Variants in NIPA1 observed in about 807,000 individuals in gnomAD.
NIPA1 encodes the protein NIPA magnesium transporter 1.
In NIPA1, 13 loss-of-function variants were observed where a neutral mutation model predicts 23.9. The observed-to-expected ratio is 0.54, with a 90% CI of 0.35 to 0.87. The LOEUF (loss-of-function observed/expected upper bound fraction) is 0.87, where lower values mean the gene tolerates loss of function less well. NIPA1 is among the 40% of genes least tolerant of loss of function. NIPA1 has a pLI of 0.01. For missense variants in NIPA1, 362 were observed against 429.7 expected (o/e 0.84, Z 1.39); for synonymous variants, 234 against 202.9 (o/e 1.15, Z -1.30).
chr15:22,810,940 C>T (rs1895303869), intron 2 of NIPA1, 144 bp downstream of exon 2: 1 of 736,258 alleles, frequency 1.4e-6, no homozygotes, highest in Non-Finnish European at 2.5e-6. Context: ...CCTAAGCGTG[C>T]CTTTCAGTTC....
At position 22,806,330 on chromosome 15, in the gene NIPA1, T is replaced by C. The variant is rs117031821; in HGVS notation, c.179-4419T>C. 9.5e-3 allele frequency among the ~76,000 whole-genome samples: 1,448 copies of C among 152,340 alleles called. 16 individuals carry two copies. The highest frequency in any genetic ancestry group is 0.016 in the Non-Finnish European group (1,109 of 68,028). Reference sequence around the variant, plus strand: ...TCACTGTCAGTTGATACTGTCATCCTGGCAAGGCTCTTTTGTGTTTGCACA... The same window carrying C: ...TCACTGTCAGTTGATACTGTCATCCCGGCAAGGCTCTTTTGTGTTTGCACA... On this transcript the variant is annotated intron_variant, in intron 1 of 4. Coordinates refer to ENST00000337435, the MANE Select transcript of NIPA1 (RefSeq NM_144599.5).
At position 22,786,725 on chromosome 15, in the gene NIPA1, G is replaced by T; in HGVS notation, c.69G>T (p.Pro23=). The T allele has an allele frequency of 8.1e-7, 1 of 1,232,932 alleles. No homozygotes were observed. Among genetic ancestry groups the T allele is most frequent in the Non-Finnish European group, 1.0e-6 (1 of 968,608 alleles). The allele number at this position is 1,232,932 out of a possible 1,614,324, so 76.4% of individuals were successfully genotyped here. The change falls in exon 1 of 5, where the codon CCG becomes CCT. Residue 23 remains proline, a synonymous_variant. Coordinates refer to ENST00000337435, the MANE Select transcript of NIPA1 (RefSeq NM_144599.5). ...AAAAGEGARS[P]SPAAVSLGLG... is the part of the protein sequence containing the mutation. ...CGGCCGGGGAGGGGGCGCGTAGCCCGAGCCCCGCCGCCGTGTCGCTCGGCC... is the reference window on the plus strand; with the variant it reads ...CGGCCGGGGAGGGGGCGCGTAGCCCTAGCCCCGCCGCCGTGTCGCTCGGCC...
chr15:22,793,403 G>GTATAGTCAT (rs1444541681), intron 1 of NIPA1, among the ~76,000 whole-genome samples: 1 of 147,980 alleles, frequency 6.8e-6, no homozygotes, highest in Non-Finnish European at 1.5e-5. Flanking sequence ...TTGTTGCTAA[G>GTATAGTCAT]TATAGTCATT....
intron 3 of NIPA1, among the ~76,000 whole-genome samples, chr15:22,817,885 G>A (rs1476685267): frequency 6.6e-6 from 1 of 151,956 alleles, no homozygotes; most frequent in Non-Finnish European, 1.5e-5. Context: ...AATTTCATAT[G>A]CAGTAGCACC....
At chr15:22,814,006 A>G in intron 3 of NIPA1, 7 of 691,172 alleles carry the variant, frequency 1.0e-5, no homozygotes, top group Non-Finnish European at 1.6e-5. Context: ...TGCTCAGTTA[A>G]TTTCCTTAGA....
chr15:22,805,241 T>C (rs1415747617), intron 1 of NIPA1, among the ~76,000 whole-genome samples: 1 of 152,238 alleles, frequency 6.6e-6, no homozygotes, highest in Non-Finnish European at 1.5e-5. Flanking sequence ...GCATATCTAA[T>C]AACCAACAGG....
chr15:22,814,440 T>G (rs568569786), intron 3 of NIPA1, among the ~76,000 whole-genome samples: 85 of 152,166 alleles, frequency 5.6e-4, no homozygotes, highest in African/African-American at 2.0e-3. Context: ...CCTGACCTCG[T>G]GATCCGCCCG....
intron 4 of NIPA1, among the ~76,000 whole-genome samples, chr15:22,821,026 G>A (rs1443831138): frequency 6.8e-6 from 1 of 147,014 alleles, no homozygotes; most frequent in Non-Finnish European, 1.5e-5. Flanking sequence ...CACCCAGGCT[G>A]GAGTGCAGTG....
At chr15:22,814,959 G>T (rs1895387873) in intron 3 of NIPA1, among the ~76,000 whole-genome samples, 1 of 152,136 alleles carries the variant, frequency 6.6e-6, no homozygotes, top group Non-Finnish European at 1.5e-5. Context: ...GTGTTTAGCA[G>T]CATCCTGGCC....
At chr15:22,811,765 C>A (rs553622934) in intron 2 of NIPA1, among the ~76,000 whole-genome samples, 245 of 152,200 alleles carry the variant, frequency 1.6e-3, no homozygotes, top group Non-Finnish European at 3.0e-3. Flanking sequence ...TATCCTCTTG[C>A]TATGCCAGTG....
chr15:22,810,719 T>C (rs750223274), intron 1 of NIPA1, 30 bp from the exon 2 acceptor site: 47 of 1,495,398 alleles, frequency 3.1e-5, no homozygotes, highest in Non-Finnish European at 4.3e-5. Flanking sequence ...AAACCCACTT[T>C]TCTGACATTT....
chr15:22,820,593 C>G lies in NIPA1; in HGVS notation c.478+120C>G, dbSNP rs1264382131. 3.7e-6 allele frequency: 3 copies of G among 809,102 alleles called. No homozygotes were observed. In the African/African-American group the frequency reaches 5.0e-5, roughly 14 times the overall value. 50.1% of individuals were successfully genotyped at this position (809,102 alleles called of 1,614,324 possible). ...AGAGGAACCGTGTGTCCACCCTGATCTGTTACTGTAGATCTGTGTTCTCTG... is the reference window on the plus strand; with the variant it reads ...AGAGGAACCGTGTGTCCACCCTGATGTGTTACTGTAGATCTGTGTTCTCTG... On this transcript the variant is annotated intron_variant, in intron 4 of 4. Transcript: ENST00000337435.
intron 1 of NIPA1, among the ~76,000 whole-genome samples, chr15:22,807,766 C>G (rs1426296555): frequency 8.7e-6 from 1 of 114,680 alleles, no homozygotes; most frequent in East Asian, 3.2e-4. Context: ...ATAATTTCCA[C>G]AGAGTTTAAA....
chr15:22,786,671 TGCGGCAGCGGCGGCGGCGGCG>T lies in NIPA1; in HGVS notation c.21_41del (p.Ala10_Ala16del). On this transcript the variant is annotated inframe_deletion, in exon 1 of 5. Coordinates refer to ENST00000337435, the MANE Select transcript of NIPA1 (RefSeq NM_144599.5). The stretch of plus-strand genomic sequence containing the variant: ...GCGCGGGCGGAATGGGGACTGCAGC[TGCGGCAGCGGCGGCGGCGGCG>T]GCGGCGGCGGCCGGGGAGGGGGCGC... The T allele has an allele frequency of 1.9e-6, 2 of 1,066,004 alleles. No homozygotes were observed. The highest frequency in any genetic ancestry group is 3.7e-5 in the South Asian group (1 of 27,164). 66.0% of individuals were successfully genotyped at this position (1,066,004 alleles called of 1,614,324 possible).
Position 22,825,399 on chromosome 15 carries a change from G to C in NIPA1, c.*1160G>C, listed in dbSNP as rs1895630627. ...TCACTGGAAGATAGTCAAGACTAAA[G>C]ACACATTAGAGCAAATTGACCCCTT... is the stretch of plus-strand genomic sequence containing the variant. On this transcript the variant is annotated 3_prime_UTR_variant, in exon 5 of 5. Coordinates refer to ENST00000337435, the MANE Select transcript of NIPA1 (RefSeq NM_144599.5). The C allele has an allele frequency of 6.6e-6, 1 of 152,198 alleles. No homozygotes were observed. The highest frequency in any genetic ancestry group is 1.5e-5 in the Non-Finnish European group (1 of 68,030). 9.4% of individuals were successfully genotyped at this position (152,198 alleles called of 1,614,324 possible).
At chr15:22,808,736 C>G (rs1206747341) in intron 1 of NIPA1, among the ~76,000 whole-genome samples, 1 of 135,106 alleles carries the variant, frequency 7.4e-6, no homozygotes, top group Non-Finnish European at 1.5e-5. Context: ...GTGGCATGAT[C>G]ATGGCTAACT....
In NIPA1 at chr15:22,814,441, G is replaced by A. The variant is rs1253879292; in HGVS notation, c.317+2188G>A. Among the ~76,000 whole-genome samples, 6 of 152,014 alleles carry A rather than the reference G, an allele frequency of 3.9e-5. No homozygotes were observed. The South Asian group carries it at 6.2e-4, about 16-fold the overall frequency. On this transcript the variant is annotated intron_variant, in intron 3 of 4. Coordinates refer to ENST00000337435, the MANE Select transcript of NIPA1 (RefSeq NM_144599.5). Reference sequence around the variant, plus strand: ...GATGGTCTTGATCTCCTGACCTCGTGATCCGCCCGCCGTCCTCCCAGAGTG... The same window carrying A: ...GATGGTCTTGATCTCCTGACCTCGTAATCCGCCCGCCGTCCTCCCAGAGTG...
chr15:22,801,244 A>C (rs960542381), intron 1 of NIPA1, among the ~76,000 whole-genome samples: 11 of 152,138 alleles, frequency 7.2e-5, no homozygotes, highest in African/African-American at 2.4e-4. Flanking sequence ...GGGCATGGAC[A>C]TTTCCAGTTC....
rs1379310480 is a variant in NIPA1, at chr15:22,825,394, C to T, written c.*1155C>T. On this transcript the variant is annotated 3_prime_UTR_variant, in exon 5 of 5. Transcript: ENST00000337435. ...TATATTCACTGGAAGATAGTCAAGA[C>T]TAAAGACACATTAGAGCAAATTGAC... 6.6e-6 allele frequency: 1 copy of T among 152,218 alleles called. No homozygotes were observed. Among genetic ancestry groups the T allele is most frequent in the African/African-American group, 2.4e-5 (1 of 41,448 alleles). The allele number at this position is 152,218 out of a possible 1,614,324, so 9.4% of individuals were successfully genotyped here. A position where few individuals can be genotyped will look rare whatever the true frequency, so the allele number is the denominator to read the frequency against.
Sources: allele counts gnomAD v4.1 joint callset (sites outside exome capture counted in the v4.1 genomes callset), GRCh38; gene constraint gnomAD v4.1.1; transcripts MANE v1.5; gene names NCBI Gene and HGNC (gene_info 2026-07-23, HGNC 2026-07-21).